TMCO4: variants seen among roughly 807,000 people sequenced by gnomAD.
The protein encoded by TMCO4 is transmembrane and coiled-coil domains 4.
In TMCO4, 58 loss-of-function variants were observed where a neutral mutation model predicts 64.7. That is an observed-to-expected ratio of 0.90 (90% CI 0.73 to 1.12). The LOEUF is 1.12. TMCO4 is among the 50% of genes most tolerant of loss of function. The pLI, the probability that TMCO4 is intolerant of heterozygous loss-of-function variation, is 0.00. For synonymous variants in TMCO4, 325 were observed against 346.1 expected, an observed-to-expected ratio of 0.94 and a Z score of 0.68; for missense variants, 780 against 825.9, an observed-to-expected ratio of 0.94 and a Z score of 0.68.
At chr1:19,753,119 C>A (rs1393133678) in intron 7 of TMCO4, among the ~76,000 whole-genome samples, 1 of 151,986 alleles carries the variant, frequency 6.6e-6, no homozygotes, top group Non-Finnish European at 1.5e-5. Context: ...GCCATCACAC[C>A]CAGCTAATTT....
rs1041070392 is a variant in TMCO4 at position 19,694,492 on chromosome 1, C to T, written c.1442G>A (p.Gly481Asp). ...RTSSVQLRVA[G>D]LQPVLLQDRR... is the part of the protein sequence containing the mutation. ...GTCCTGCAGCAGCACGGGCTGTAGGCCGGCGACACGGAGCTGCACCGAGGA... is the reference window on the plus strand; with the variant it reads ...GTCCTGCAGCAGCACGGGCTGTAGGTCGGCGACACGGAGCTGCACCGAGGA... Residue 481 changes from glycine (G) to aspartate (D), a missense_variant, in exon 15 of 16, where the codon GGC (glycine) becomes GAC (aspartate). Physicochemically the swap from Gly to Asp is moderately conservative, Grantham distance 94 (BLOSUM62 -1). Coordinates refer to ENST00000294543, the MANE Select transcript of TMCO4 (RefSeq NM_181719.7). 5 of 1,614,000 alleles carry T rather than the reference C, an allele frequency of 3.1e-6. No homozygotes were observed. In the Admixed American group the frequency reaches 6.7e-5, roughly 22 times the overall value.
chr1:19,784,403 G>C (rs2043630900), intron 3 of TMCO4, among the ~76,000 whole-genome samples: 1 of 152,092 alleles, frequency 6.6e-6, no homozygotes, highest in African/African-American at 2.4e-5. Flanking sequence ...GCATGGTTGG[G>C]TGTGCCTGTA....
At chr1:19,786,502 A>T (rs1170268870) in intron 3 of TMCO4, among the ~76,000 whole-genome samples, 1 of 152,214 alleles carries the variant, frequency 6.6e-6, no homozygotes, top group Non-Finnish European at 1.5e-5. Context: ...GTAGAGGAGA[A>T]ACACTTTAGA....
intron 15 of TMCO4, among the ~76,000 whole-genome samples, chr1:19,686,699 T>A (rs1157324963): frequency 2.0e-5 from 3 of 152,212 alleles, no homozygotes; most frequent in Non-Finnish European, 2.9e-5. Context: ...ATTTAGTGGC[T>A]GCAGGGCCTG....
At position 19,744,918 on chromosome 1, in the gene TMCO4, T is replaced by C. The variant is rs951031161; in HGVS notation, c.877+614A>G. ...GCTGTGCTGCTCACCACTGAATTCCTAAGACCTGGTTCAGTATATGACACA... is the reference window on the plus strand; with the variant it reads ...GCTGTGCTGCTCACCACTGAATTCCCAAGACCTGGTTCAGTATATGACACA... On this transcript the variant is annotated intron_variant, in intron 10 of 15. Coordinates refer to ENST00000294543, the MANE Select transcript of TMCO4 (RefSeq NM_181719.7). Among the ~76,000 whole-genome samples, 20 of 152,194 alleles carry C rather than the reference T, an allele frequency of 1.3e-4. 1 individual carries two copies.
rs1040059925 is a variant in TMCO4, at chr1:19,706,874, T to G, written c.1265-5989A>C. 3.3e-5 allele frequency among the ~76,000 whole-genome samples: 5 copies of G among 152,384 alleles called. 1 individual carries two copies. The stretch of plus-strand genomic sequence containing the variant: ...CATTCTCAGTCATAGGCATGAGATG[T>G]CTTTTTAGATTGATGGAAATGTTCT... On this transcript the variant is annotated intron_variant, in intron 13 of 15. Transcript: ENST00000294543.
intron 2 of TMCO4, among the ~76,000 whole-genome samples, chr1:19,794,043 C>G (rs921986832): frequency 6.6e-6 from 1 of 152,130 alleles, no homozygotes; most frequent in Non-Finnish European, 1.5e-5. Context: ...TGCCTCTCTG[C>G]CCCCCACCCC....
intron 13 of TMCO4, among the ~76,000 whole-genome samples, chr1:19,735,449 G>T (rs941386396): frequency 4.6e-5 from 7 of 152,150 alleles, no homozygotes; most frequent in Non-Finnish European, 8.8e-5. Flanking sequence ...GAGGATCCAG[G>T]GGTGGGAGCA....
chr1:19,709,936 C>T (rs955698545), intron 13 of TMCO4, among the ~76,000 whole-genome samples: 5 of 151,112 alleles, frequency 3.3e-5, no homozygotes, highest in African/African-American at 1.2e-4. Flanking sequence ...TTACAGCCAC[C>T]ATGCCCAGTT....
chr1:19,708,031 G>A (rs1192341524), intron 13 of TMCO4, among the ~76,000 whole-genome samples: 4 of 152,052 alleles, frequency 2.6e-5, no homozygotes, highest in Admixed American at 2.6e-4. Flanking sequence ...CAACACAGCG[G>A]GATTACAACG....
intron 13 of TMCO4, among the ~76,000 whole-genome samples, chr1:19,702,618 T>G (rs1169199720): frequency 6.6e-6 from 1 of 151,846 alleles, no homozygotes; most frequent in Non-Finnish European, 1.5e-5. Context: ...TTTAGCTGGG[T>G]GTGGTGGTGC....
Position 19,682,883 on chromosome 1 carries a change from T to G in TMCO4, c.*157A>C, listed in dbSNP as rs2095113121. ...CGTGTTCTCTCCTCCAAATTCCCCT[T>G]CCTTCCATTTCCTTTCCCTTTCAGT... On this transcript the variant is annotated 3_prime_UTR_variant, in exon 16 of 16. Transcript: ENST00000294543. The G allele has an allele frequency of 1.4e-5, 15 of 1,105,154 alleles. No homozygotes were observed. The highest frequency in any genetic ancestry group is 1.7e-5 in the Non-Finnish European group (13 of 761,618). 68.5% of individuals were successfully genotyped at this position (1,105,154 alleles called of 1,614,324 possible). A position where few individuals can be genotyped will look rare whatever the true frequency, so the allele number is the denominator to read the frequency against.
At position 19,743,907 on chromosome 1, in the gene TMCO4, T is replaced by C. The variant is rs982579508; in HGVS notation, c.877+1625A>G. On this transcript the variant is annotated intron_variant, in intron 10 of 15. Coordinates refer to ENST00000294543, the MANE Select transcript of TMCO4 (RefSeq NM_181719.7). This position sits in a 1 kb window ranked among gnomAD's most constrained non-coding sequence, Gnocchi z 4.1. ...CTAGGAGGTAACCATACCAAGTTCC[T>C]ACTATGCTGGTAAAATGCCAGACTC... Among the ~76,000 whole-genome samples the C allele has an allele frequency of 6.6e-6, 1 of 152,228 alleles. No individual in the cohort carries two copies. Among genetic ancestry groups the C allele is most frequent in the Admixed American group, 6.5e-5 (1 of 15,282 alleles).
intron 7 of TMCO4, 57 bp from the exon 8 acceptor site, chr1:19,747,317 T>A: frequency 6.9e-7 from 1 of 1,457,182 alleles, no homozygotes; most frequent in Non-Finnish European, 9.6e-7. Flanking sequence ...CCTTGAGACA[T>A]CCCCACCACA....
At chr1:19,705,172 C>T (rs556562908) in intron 13 of TMCO4, among the ~76,000 whole-genome samples, 1 of 152,238 alleles carries the variant, frequency 6.6e-6, no homozygotes, top group East Asian at 1.9e-4. Context: ...TAACACTAGG[C>T]GGGCACCGTG....
intron 14 of TMCO4, among the ~76,000 whole-genome samples, chr1:19,696,587 TA>T (rs201030186): frequency 0.025 from 3,545 of 142,800 alleles, 137 homozygotes; most frequent in African/African-American, 0.08. Context: ...TAAAAAAAAT[TA>T]AAAAAAAAAA....
At chr1:19,785,808 A>G (rs1402361204) in intron 3 of TMCO4, among the ~76,000 whole-genome samples, 2 of 152,158 alleles carry the variant, frequency 1.3e-5, no homozygotes, top group Non-Finnish European at 2.9e-5. Context: ...AGGAACAGTG[A>G]GGCAGGGTGA....
At chr1:19,755,584 A>G (rs1431734833) in intron 7 of TMCO4, 50 bp downstream of exon 7, 6 of 1,609,924 alleles carry the variant, frequency 3.7e-6, no homozygotes, top group Non-Finnish European at 5.1e-6. Context: ...TGCAAAGTAC[A>G]CTGAAGTGGA....
At chr1:19,719,099 C>T (rs1056259352) in intron 13 of TMCO4, among the ~76,000 whole-genome samples, 8 of 152,216 alleles carry the variant, frequency 5.3e-5, no homozygotes, top group Non-Finnish European at 1.5e-5. Flanking sequence ...CTTCCTGACA[C>T]ATCTCTGTTC....
Sources: allele counts gnomAD v4.1 joint callset (sites outside exome capture counted in the v4.1 genomes callset), GRCh38; gene constraint gnomAD v4.1.1; non-coding constraint Gnocchi (gnomAD v3.1); transcripts MANE v1.5; gene names NCBI Gene and HGNC (gene_info 2026-07-23, HGNC 2026-07-21).